GALNT5: variants seen among roughly 807,000 people sequenced by gnomAD.
GALNT5 encodes UDP-GalNAc:polypeptide N-acetylgalactosaminyltransferase 5.
A neutral mutation model predicts 85.4 loss-of-function variants in GALNT5; 72 were observed. The ratio of observed to expected loss-of-function variants is 0.84; its 90% confidence interval spans 0.70 to 1.03. The LOEUF is 1.03. GALNT5 is among the 50% of genes least tolerant of loss of function. The pLI, the probability that GALNT5 is intolerant of heterozygous loss-of-function variation, is 0.00. For missense variants in GALNT5, 1,137 were observed against 1,135.5 expected (o/e 1.00, Z -0.02); for synonymous variants, 404 against 397.0 (o/e 1.02, Z -0.21).
rs2105157570 is a variant in GALNT5, at chr2:157,296,514, G to A, written c.1997+1G>A. The A allele has an allele frequency of 6.2e-7, 1 of 1,606,694 alleles. No individual in the cohort carries two copies. The highest frequency in any genetic ancestry group is 8.5e-7 in the Non-Finnish European group (1 of 1,174,828). ...GAATTAAAGAAACTGATACAATAAG[G>A]TAAGTGTGGGAAATTTAAGACTAGA... On this transcript the variant is annotated splice_donor_variant, in intron 5 of 9. Coordinates refer to ENST00000259056, the MANE Select transcript of GALNT5 (RefSeq NM_014568.3). LOFTEE classifies it high-confidence loss of function.
intron 3 of GALNT5, among the ~76,000 whole-genome samples, chr2:157,290,785 T>A (rs1574026822): frequency 1.3e-5 from 2 of 152,174 alleles, no homozygotes; most frequent in African/African-American, 2.4e-5. Context: ...AGATGGCCTA[T>A]TTTGGTCCCA....
chr2:157,268,198 A>G (rs1042416259), intron 1 of GALNT5, among the ~76,000 whole-genome samples: 1 of 152,242 alleles, frequency 6.6e-6, no homozygotes. Context: ...TGAAAAATTC[A>G]TAGAAATGAG....
chr2:157,281,219 G>A (rs554248244), intron 1 of GALNT5, among the ~76,000 whole-genome samples: 9 of 152,094 alleles, frequency 5.9e-5, no homozygotes, highest in Admixed American at 1.3e-4. Flanking sequence ...CACCCGCAAC[G>A]ATGCCCAGCT....
Position 157,316,509 on chromosome 2 carries a change from A to G in GALNT5, c.*5161A>G, listed in dbSNP as rs1226097176. Among the ~76,000 whole-genome samples, 3 of 152,142 alleles carry G rather than the reference A, an allele frequency of 2.0e-5. No individual in the cohort carries two copies. The highest frequency in any genetic ancestry group is 4.4e-5 in the Non-Finnish European group (3 of 68,018). On this transcript the variant is annotated 3_prime_UTR_variant, in exon 10 of 10. Transcript: ENST00000259056. ...GTTGGAGTCCTTTAAAACACAAACC[A>G]TGACTTTTTATTCCTACTCATTGTG...
At position 157,259,525 on chromosome 2, in the gene GALNT5, C is replaced by G. The variant is rs762521985; in HGVS notation, c.1443C>G (p.Thr481=). The G allele has an allele frequency of 7.4e-7, 1 of 1,348,932 alleles. No individual in the cohort carries two copies. The highest frequency in any genetic ancestry group is 2.7e-5 in the South Asian group (1 of 37,414). 83.6% of individuals were successfully genotyped at this position (1,348,932 alleles called of 1,614,324 possible). ...LIPVDRAIED[T]RPAGCAEQLV... ...CAGTGGATAGAGCCATTGAAGACAC[C>G]AGACCTGCTGGGTAAGACCTATTTC... The change falls in exon 1 of 10, where the codon ACC becomes ACG. Residue 481 remains threonine, a synonymous_variant. Coordinates refer to ENST00000259056, the MANE Select transcript of GALNT5 (RefSeq NM_014568.3).
intron 4 of GALNT5, among the ~76,000 whole-genome samples, 160 bp downstream of exon 4, chr2:157,295,958 A>G (rs558763317): frequency 1.3e-4 from 20 of 152,314 alleles, no homozygotes; most frequent in Non-Finnish European, 2.4e-4. Flanking sequence ...ATATCTTGGG[A>G]TCAGAGTCTG....
chr2:157,299,487 A>G lies in GALNT5; in HGVS notation c.1998-61A>G, dbSNP rs545540741. ...CTCCCGTACAGATGTACAGAGGAAC[A>G]ACTCTAAAAGTCGAGCTTTCATGAG... On this transcript the variant is annotated intron_variant, in intron 5 of 9. Transcript: ENST00000259056. 4.6e-5 allele frequency: 44 copies of G among 951,464 alleles called. No individual in the cohort carries two copies. The South Asian group carries it at 5.7e-4, about 12-fold the overall frequency. The allele number at this position is 951,464 out of a possible 1,614,324, so 58.9% of individuals were successfully genotyped here.
At chr2:157,261,919 G>C (rs1382612577) in intron 1 of GALNT5, among the ~76,000 whole-genome samples, 1 of 151,910 alleles carries the variant, frequency 6.6e-6, no homozygotes, top group Non-Finnish European at 1.5e-5. Context: ...GATTTTTTAA[G>C]ATAATAAGTT....
chr2:157,272,821 T>C (rs755116262), intron 1 of GALNT5, among the ~76,000 whole-genome samples: 3 of 152,206 alleles, frequency 2.0e-5, no homozygotes, highest in Non-Finnish European at 4.4e-5. Context: ...CTATTGTGAA[T>C]AGTGCTGAAT....
At chr2:157,277,507 T>A (rs1682759055) in intron 1 of GALNT5, among the ~76,000 whole-genome samples, 1 of 152,244 alleles carries the variant, frequency 6.6e-6, no homozygotes, top group South Asian at 2.1e-4. Flanking sequence ...GGTGCTCCTG[T>A]ATTGGGTGCA....
intron 1 of GALNT5, among the ~76,000 whole-genome samples, chr2:157,277,213 A>G (rs1383555029): frequency 6.6e-6 from 1 of 152,072 alleles, no homozygotes; most frequent in Non-Finnish European, 1.5e-5. Context: ...CTGTTATTTT[A>G]CATTTGCTGA....
In GALNT5 at chr2:157,263,962, A is replaced by G. The variant is rs569788805; in HGVS notation, c.1454+4426A>G. 1.3e-3 allele frequency among the ~76,000 whole-genome samples: 198 copies of G among 152,310 alleles called. 1 individual carries two copies. The highest frequency in any genetic ancestry group is 4.6e-3 in the African/African-American group (192 of 41,576). On this transcript the variant is annotated intron_variant, in intron 1 of 9. Transcript: ENST00000259056. The stretch of plus-strand genomic sequence containing the variant: ...AATGTTTTGGCTTTCAAGAGAGGAA[A>G]GCCTATTTTATTTACAAGAATGTTT...
At position 157,258,865 on chromosome 2, in the gene GALNT5, G is replaced by C. The variant is rs905841042; in HGVS notation, c.783G>C (p.Gln261His). Residue 261 changes from glutamine to histidine, a missense_variant, in exon 1 of 10, where the codon CAG becomes CAC. Coordinates refer to ENST00000259056, the MANE Select transcript of GALNT5 (RefSeq NM_014568.3). ...TGGCCTTAAACAAAACTAAGACTCAGAGCAAAGAAGTCAATGCAAATAAAC... is the reference window on the plus strand; with the variant it reads ...TGGCCTTAAACAAAACTAAGACTCACAGCAAAGAAGTCAATGCAAATAAAC... Reference protein sequence around the residue: ...EAMALNKTKTQSKEVNANKHK... With the variant: ...EAMALNKTKTHSKEVNANKHK... The C allele has an allele frequency of 6.4e-6, 10 of 1,572,930 alleles. No homozygotes were observed. The African/African-American group carries it at 1.4e-4, about 22-fold the overall frequency.
rs1053804380 is a variant in GALNT5 at position 157,312,080 on chromosome 2, A to G, written c.*732A>G. ...TTTAAAACTACAGTTTTAAAGATTT[A>G]TGATACCAATAACTTCCTAGATTCA... On this transcript the variant is annotated 3_prime_UTR_variant, in exon 10 of 10. Coordinates refer to ENST00000259056, the MANE Select transcript of GALNT5 (RefSeq NM_014568.3). The G allele has an allele frequency of 3.3e-5, 5 of 152,190 alleles. No individual in the cohort carries two copies. Among genetic ancestry groups the G allele is most frequent in the Non-Finnish European group, 5.9e-5 (4 of 68,016 alleles). 9.4% of individuals were successfully genotyped at this position (152,190 alleles called of 1,614,324 possible).
chr2:157,274,157 T>A (rs1682664870), intron 1 of GALNT5, among the ~76,000 whole-genome samples: 1 of 152,236 alleles, frequency 6.6e-6, no homozygotes. Flanking sequence ...CATGAACTCA[T>A]CATTTAGGGC....
At chr2:157,299,466 C>T (rs1289525766) in intron 5 of GALNT5, 82 bp from the exon 6 acceptor site, 2 of 800,442 alleles carry the variant, frequency 2.5e-6, no homozygotes, top group Admixed American at 4.1e-5. Flanking sequence ...TCCTACCTCC[C>T]GTACAGATGT....
At position 157,271,072 on chromosome 2, in the gene GALNT5, C is replaced by T. The variant is rs140624726; in HGVS notation, c.1454+11536C>T. On this transcript the variant is annotated intron_variant, in intron 1 of 9. Transcript: ENST00000259056. ...CGGAGCCTGCAGTGAGCAGTGATCA[C>T]GCCACTCCACTCCAGCCCAGACTCT... is the stretch of plus-strand genomic sequence containing the variant. Among the ~76,000 whole-genome samples the T allele has an allele frequency of 3.7e-3, 559 of 151,186 alleles. 5 individuals carry two copies. The highest frequency in any genetic ancestry group is 0.012 in the African/African-American group (510 of 40,906).
At position 157,301,134 on chromosome 2, in the gene GALNT5, G is replaced by A. The variant is rs922919673; in HGVS notation, c.2439+135G>A. 3 of 665,984 alleles carry A rather than the reference G, an allele frequency of 4.5e-6. No individual in the cohort carries two copies. The African/African-American group carries it at 5.4e-5, about 12-fold the overall frequency. The allele number at this position is 665,984 out of a possible 1,614,324, so 41.3% of individuals were successfully genotyped here. A position where few individuals can be genotyped will look rare whatever the true frequency, so the allele number is the denominator to read the frequency against. On this transcript the variant is annotated intron_variant, in intron 7 of 9. Coordinates refer to ENST00000259056, the MANE Select transcript of GALNT5 (RefSeq NM_014568.3). ...ATGAGCAAAGATGGGACAAAGCATG[G>A]CTGAGAATTAAATATAGGTAAACTT...
chr2:157,314,783 G>GA lies in GALNT5; in HGVS notation c.*3443dup, dbSNP rs1019622828. Among the ~76,000 whole-genome samples the GA allele has an allele frequency of 6.6e-6, 1 of 151,882 alleles. No homozygotes were observed. The highest frequency in any genetic ancestry group is 2.4e-5 in the African/African-American group (1 of 41,356). ...TTGAATTCCTATATTCAGAATACAA[G>GA]AAAAAAAATTTACCAACCAGGCGCA... On this transcript the variant is annotated 3_prime_UTR_variant, in exon 10 of 10. Transcript: ENST00000259056.
Sources: gnomAD v4.1 joint callset for allele counts (sites outside exome capture counted in the v4.1 genomes callset) on GRCh38, gnomAD v4.1.1 for gene constraint, MANE v1.5 for transcripts, NCBI Gene and HGNC (gene_info 2026-07-23, HGNC 2026-07-21) for gene names.